The following ZNF534 variants were observed in gnomAD, a reference collection of about 807,000 sequenced individuals.
ZNF534 encodes the protein zinc finger protein 534, also known as KRAB domain only 3.
In ZNF534, 19 loss-of-function variants were observed where a neutral mutation model predicts 13.6. The ratio of observed to expected loss-of-function variants is 1.40; its 90% CI spans 0.97 to 2.05. The LOEUF is 2.05. Ranked by LOEUF, ZNF534 falls within the 30% of genes most tolerant of loss-of-function variation. ZNF534 has a pLI of 0.00. For synonymous variants in ZNF534, 244 were observed against 273.8 expected (o/e 0.89, Z 1.07); for missense variants, 782 against 796.3 (o/e 0.98, Z 0.22).
downstream of ZNF534, among the ~76,000 whole-genome samples, chr19:52,447,272 T>G (rs1349857475): frequency 1.3e-5 from 2 of 152,236 alleles, no homozygotes; most frequent in Non-Finnish European, 2.9e-5. Flanking sequence ...TGGACATCAT[T>G]TGGGAGAACA....
At chr19:52,433,236 C>CAA (rs1171627054) in intron 2 of ZNF534, among the ~76,000 whole-genome samples, 35 of 64,554 alleles carry the variant, frequency 5.4e-4, no homozygotes, top group African/African-American at 7.1e-4. Context: ...GATCCTATCT[C>CAA]AAAAAAAAAA....
downstream of ZNF534, among the ~76,000 whole-genome samples, chr19:52,445,252 A>C (rs1185461555): frequency 6.6e-6 from 1 of 150,920 alleles, no homozygotes; most frequent in African/African-American, 2.5e-5. Context: ...GCTGGAGTGC[A>C]GTGGTGCAGT....
intron 4 of ZNF534, among the ~76,000 whole-genome samples, chr19:52,449,266 G>A (rs2059204545): frequency 6.6e-6 from 1 of 152,126 alleles, no homozygotes; most frequent in African/African-American, 2.4e-5. Flanking sequence ...GAAAATGTAA[G>A]TTGATCCCAT....
chr19:52,430,649 C>G (rs947291363), intron 1 of ZNF534, among the ~76,000 whole-genome samples: 2 of 150,978 alleles, frequency 1.3e-5, no homozygotes, highest in Non-Finnish European at 2.9e-5. Context: ...CTCCTGGGTT[C>G]AAGCAATTCT....
chr19:52,446,884 T>G (rs116990567), downstream of ZNF534, among the ~76,000 whole-genome samples: 1,074 of 152,284 alleles, frequency 7.1e-3, 17 homozygotes, highest in Middle Eastern at 0.031. Context: ...TTTATTGTCT[T>G]ATAGTTCTGG....
At chr19:52,444,788 G>A (rs957259013), downstream of ZNF534, among the ~76,000 whole-genome samples, 7 of 152,060 alleles carry the variant, frequency 4.6e-5, no homozygotes, top group African/African-American at 1.7e-4. Flanking sequence ...AGGGAAAGCC[G>A]GTAGTCATAG....
intron 4 of ZNF534, among the ~76,000 whole-genome samples, chr19:52,449,589 A>G (rs1249971517): frequency 1.3e-5 from 2 of 152,158 alleles, no homozygotes; most frequent in African/African-American, 4.8e-5. Flanking sequence ...ATGACATTAT[A>G]TCTCACTGTG....
intron 3 of ZNF534, among the ~76,000 whole-genome samples, chr19:52,434,464 CAAAAAA>C (rs528136970): frequency 1.6e-5 from 1 of 63,106 alleles, no homozygotes; most frequent in Non-Finnish European, 3.1e-5. Flanking sequence ...GACTCCGTCT[CAAAAAA>C]AAAAAAAAAA....
chr19:52,447,952 G>A (rs1294254639), intron 4 of ZNF534, among the ~76,000 whole-genome samples: 3 of 151,638 alleles, frequency 2.0e-5, no homozygotes, highest in African/African-American at 7.3e-5. Context: ...ATTAAGTTGG[G>A]AAGTAGTCCC....
At position 52,438,675 on chromosome 19, in the gene ZNF534, T is replaced by G. The variant is rs1304549606; in HGVS notation, c.1215T>G (p.Thr405=). ...TTGCACGACATAGGAAAATTCATAC[T>G]GGGGGGAGGCGTTACAAATGTAATG... ...SRLARHRKIH[T]GGRRYKCNEC... Residue 405 remains threonine, a synonymous_variant, in exon 5 of 5, where the codon ACT becomes ACG. Coordinates refer to ENST00000433050, the MANE Select transcript of ZNF534 (RefSeq NM_001143938.3). The G allele has an allele frequency of 3.2e-6, 5 of 1,580,652 alleles. No homozygotes were observed. The African/African-American group carries it at 6.8e-5, about 21-fold the overall frequency.
chr19:52,449,354 TTCTC>T (rs112933256), intron 4 of ZNF534, among the ~76,000 whole-genome samples: 187 of 146,604 alleles, frequency 1.3e-3, no homozygotes, highest in Non-Finnish European at 1.6e-3. Context: ...TCCATCCTCA[TTCTC>T]TCTCTCTCTC....
chr19:52,433,093 A>G (rs78045989), intron 2 of ZNF534, among the ~76,000 whole-genome samples: 3 of 151,702 alleles, frequency 2.0e-5, no homozygotes, highest in African/African-American at 7.3e-5. Context: ...ACATACAAAA[A>G]TTAGCTGGGC....
Position 52,441,844 on chromosome 19 carries a change from TG to T in ZNF534, c.*2400del, listed in dbSNP as rs2059174818. Among the ~76,000 whole-genome samples the T allele has an allele frequency of 6.6e-6, 1 of 152,156 alleles. No individual in the cohort carries two copies. Among genetic ancestry groups the T allele is most frequent in the South Asian group, 2.1e-4 (1 of 4,832 alleles). ...AGAAACCTTACAAATGCAACATATG[TG>T]GTAAAATGTTTTAGTCACAATTCAC... On this transcript the variant is annotated 3_prime_UTR_variant, in exon 5 of 5. Transcript: ENST00000433050.
chr19:52,442,509 C>G (rs1343786194), downstream of ZNF534, among the ~76,000 whole-genome samples: 2 of 152,250 alleles, frequency 1.3e-5, no homozygotes, highest in Admixed American at 6.5e-5. Flanking sequence ...GTTCATGGCT[C>G]TCAGCTCTGA....
At chr19:52,432,947 T>A (rs2059098349) in intron 2 of ZNF534, among the ~76,000 whole-genome samples, 2 of 152,090 alleles carry the variant, frequency 1.3e-5, no homozygotes, top group East Asian at 3.9e-4. Context: ...TGACCATTTT[T>A]AAAAACCACT....
intron 4 of ZNF534, among the ~76,000 whole-genome samples, chr19:52,450,030 ATTGCTATCGT>A (rs2059207695): frequency 1.3e-5 from 2 of 152,064 alleles, no homozygotes; most frequent in Non-Finnish European, 2.9e-5. Context: ...AAAAAAAAAA[ATTGCTATCGT>A]GATGTTTGAG....
At position 52,451,857 on chromosome 19, in the gene ZNF534, T is replaced by A. The variant is rs376099534; in HGVS notation, c.*360T>A. On this transcript the variant is annotated 3_prime_UTR_variant, in exon 5 of 5. Coordinates refer to the ZNF534 transcript ENST00000301085. ...ATTGCACAGCTCATTTGTGAACGGA[T>A]TTTTTAATCCAGAAATAGAAGAAGT... 7.5e-5 allele frequency: 57 copies of A among 756,652 alleles called. No individual in the cohort carries two copies. The East Asian group carries it at 8.2e-4, about 11-fold the overall frequency. The allele number at this position is 756,652 out of a possible 1,614,324, so 46.9% of individuals were successfully genotyped here. A position where few individuals can be genotyped will look rare whatever the true frequency, so the allele number is the denominator to read the frequency against.
intron 4 of ZNF534, among the ~76,000 whole-genome samples, chr19:52,450,434 C>T (rs1025944523): frequency 2.0e-5 from 3 of 151,970 alleles, no homozygotes; most frequent in Admixed American, 6.6e-5. Flanking sequence ...TCTTTTTTCC[C>T]AATGTATATT....
chr19:52,438,666 A>G lies in ZNF534; in HGVS notation c.1206A>G (p.Lys402=), dbSNP rs778766299. Residue 402 remains lysine (K), a synonymous_variant, in exon 5 of 5, where the codon AAA becomes AAG. Transcript: ENST00000433050. Reference sequence around the variant, plus strand: ...ATTCACGCCTTGCACGACATAGGAAAATTCATACTGGGGGGAGGCGTTACA... The same window carrying G: ...ATTCACGCCTTGCACGACATAGGAAGATTCATACTGGGGGGAGGCGTTACA... ...IGNSRLARHR[K]IHTGGRRYKC... The G allele has an allele frequency of 4.4e-6, 7 of 1,581,190 alleles. No homozygotes were observed. The highest frequency in any genetic ancestry group is 1.1e-5 in the South Asian group (1 of 87,818).
Sources: allele counts gnomAD v4.1 joint callset (sites outside exome capture counted in the v4.1 genomes callset), GRCh38; gene constraint gnomAD v4.1.1; transcripts MANE v1.5; gene names NCBI Gene and HGNC (gene_info 2026-07-23, HGNC 2026-07-21).